Variants in SCHIP1 observed in about 807,000 individuals in gnomAD.
SCHIP1 encodes schwannomin-interacting protein 1.
Under a neutral mutation model 29.7 loss-of-function variants are expected in SCHIP1, and 8 were observed. The observed-to-expected ratio is 0.27, with a 90% CI of 0.16 to 0.49. The LOEUF is 0.49. Ranked by LOEUF, SCHIP1 falls within the 20% of genes least tolerant of loss-of-function variation. The pLI, the probability that SCHIP1 is intolerant of heterozygous loss-of-function variation, is 0.99. For synonymous variants in SCHIP1, 76 were observed against 94.9 expected (o/e 0.80, Z 1.16); for missense variants, 193 against 294.6 (o/e 0.66, Z 2.52).
the SCHIP1 span, among the ~76,000 whole-genome samples, chr3:159,617,110 C>T: frequency 1.3e-5 from 2 of 152,156 alleles, no homozygotes; most frequent in Non-Finnish European, 2.9e-5. Flanking sequence ...CATGTGGTCC[C>T]ATCCAACCAC....
At chr3:159,610,763 C>T in the SCHIP1 span, among the ~76,000 whole-genome samples, 1 of 152,044 alleles carries the variant, frequency 6.6e-6, no homozygotes, top group African/African-American at 2.4e-5. Context: ...CTCTTCAGAG[C>T]TTGCATGGAA....
chr3:159,763,102 G>A, the SCHIP1 span, among the ~76,000 whole-genome samples: 1 of 152,170 alleles, frequency 6.6e-6, no homozygotes, highest in African/African-American at 2.4e-5. Flanking sequence ...GGAGGGGAAG[G>A]GAAACGTGAG....
the SCHIP1 span, among the ~76,000 whole-genome samples, chr3:159,613,532 A>G: frequency 1.3e-5 from 2 of 152,196 alleles, no homozygotes; most frequent in Non-Finnish European, 2.9e-5. Flanking sequence ...TCCTGTTTGA[A>G]GGCATTTTCA....
chr3:159,884,467 A>C (rs1217823689), intron 2 of SCHIP1, among the ~76,000 whole-genome samples: 1 of 151,980 alleles, frequency 6.6e-6, no homozygotes, highest in Admixed American at 6.6e-5. Flanking sequence ...CAAACTGCCT[A>C]ATAGACCATG....
chr3:159,692,369 G>T, the SCHIP1 span, among the ~76,000 whole-genome samples: 1 of 147,578 alleles, frequency 6.8e-6, no homozygotes, highest in East Asian at 2.0e-4. Context: ...CCAATTAGAC[G>T]TAGATTTGGT....
the SCHIP1 span, among the ~76,000 whole-genome samples, chr3:159,553,840 G>T: frequency 6.6e-6 from 1 of 152,032 alleles, no homozygotes; most frequent in Non-Finnish European, 1.5e-5. Context: ...TCACTCTGTC[G>T]CCCAGGCTGG....
chr3:159,338,986 T>G, the SCHIP1 span, among the ~76,000 whole-genome samples: 1 of 152,054 alleles, frequency 6.6e-6, no homozygotes, highest in African/African-American at 2.4e-5. Context: ...ATGTGGTGCC[T>G]CAAGCAGATG....
the SCHIP1 span, among the ~76,000 whole-genome samples, chr3:159,416,267 C>G: frequency 6.6e-6 from 1 of 152,200 alleles, no homozygotes; most frequent in Non-Finnish European, 1.5e-5. Flanking sequence ...ACAGAAGCCT[C>G]CCTGACTACG....
At chr3:159,414,291 A>G in the SCHIP1 span, among the ~76,000 whole-genome samples, 1 of 152,334 alleles carries the variant, frequency 6.6e-6, no homozygotes, top group East Asian at 1.9e-4. Context: ...CTACACGTCA[A>G]CATTATGCCA....
At chr3:159,624,151 TAGC>T in the SCHIP1 span, among the ~76,000 whole-genome samples, 3 of 152,194 alleles carry the variant, frequency 2.0e-5, no homozygotes, top group Non-Finnish European at 4.4e-5. Flanking sequence ...TGCTAAGCAT[TAGC>T]ACAATTAGAT....
At chr3:159,828,403 ATATACG>A in the SCHIP1 span, among the ~76,000 whole-genome samples, 1 of 101,618 alleles carries the variant, frequency 9.8e-6, no homozygotes, top group African/African-American at 4.5e-5. Flanking sequence ...ATACGTATAT[ATATACG>A]TATATATACG....
chr3:159,423,246 G>C, the SCHIP1 span, among the ~76,000 whole-genome samples: 6 of 152,244 alleles, frequency 3.9e-5, no homozygotes, highest in Non-Finnish European at 8.8e-5. Context: ...AGGTGAAGCA[G>C]GGCGAGGCAT....
At chr3:159,444,753 T>C in the SCHIP1 span, among the ~76,000 whole-genome samples, 8 of 152,266 alleles carry the variant, frequency 5.3e-5, no homozygotes, top group Admixed American at 5.2e-4. Flanking sequence ...CCAGAACGAT[T>C]TCTCAGAGAA....
At chr3:159,279,705 C>T in the SCHIP1 span, among the ~76,000 whole-genome samples, 39 of 152,012 alleles carry the variant, frequency 2.6e-4, 1 homozygote, top group Non-Finnish European at 4.9e-4. Context: ...AACTATAGAA[C>T]TTGACCCTAG....
the SCHIP1 span, among the ~76,000 whole-genome samples, chr3:159,395,993 T>A: frequency 6.6e-6 from 1 of 152,092 alleles, no homozygotes; most frequent in South Asian, 2.1e-4. Flanking sequence ...GCTTCATGTA[T>A]CTGGGTGCTC....
chr3:159,573,054 A>G, the SCHIP1 span, among the ~76,000 whole-genome samples: 9 of 150,032 alleles, frequency 6.0e-5, no homozygotes, highest in Non-Finnish European at 1.3e-4. Context: ...GATGGTCTTG[A>G]CTCTTTATCC....
the SCHIP1 span, among the ~76,000 whole-genome samples, chr3:159,288,513 G>A: frequency 2.0e-5 from 3 of 152,092 alleles, no homozygotes; most frequent in Non-Finnish European, 2.9e-5. Flanking sequence ...CGGGGCGGGC[G>A]GATCATCTGA....
intron 1 of SCHIP1, among the ~76,000 whole-genome samples, chr3:159,840,377 G>A (rs951877514): frequency 1.3e-5 from 2 of 152,206 alleles, no homozygotes; most frequent in African/African-American, 4.8e-5. Flanking sequence ...GCTTTTCTGG[G>A]GAGTAATGGG....
chr3:159,524,293 A>G, the SCHIP1 span, among the ~76,000 whole-genome samples: 1 of 152,250 alleles, frequency 6.6e-6, no homozygotes, highest in Non-Finnish European at 1.5e-5. Context: ...TTCATTAAAA[A>G]ATGAAAAGTC....
Sources: gnomAD v4.1 joint callset for allele counts (sites outside exome capture counted in the v4.1 genomes callset) on GRCh38, gnomAD v4.1.1 for gene constraint, MANE v1.5 for transcripts, NCBI Gene and HGNC (gene_info 2026-07-23, HGNC 2026-07-21) for gene names.